ZNF600: variants seen among roughly 807,000 people sequenced by gnomAD.
ZNF600 encodes zinc finger protein 600.
A neutral mutation model predicts 7.3 loss-of-function variants in ZNF600; 4 were observed. The observed-to-expected ratio is 0.55, with a 90% confidence interval of 0.27 to 1.25. The LOEUF is 1.25. ZNF600 is among the 50% of genes most tolerant of loss of function. The probability of loss-of-function intolerance (pLI) is 0.12; values close to 1 mark genes in which losing one functional copy is unlikely to be tolerated. For synonymous variants in ZNF600, 290 were observed against 308.9 expected (o/e 0.94, Z 0.64); for missense variants, 911 against 922.1 (o/e 0.99, Z 0.16).
At chr19:52,778,475 T>C (rs1259463029) in intron 2 of ZNF600, among the ~76,000 whole-genome samples, 7 of 152,194 alleles carry the variant, frequency 4.6e-5, no homozygotes, top group African/African-American at 7.2e-5. Flanking sequence ...GTATTTCATA[T>C]GTAGTTTCTC....
upstream of ZNF600, among the ~76,000 whole-genome samples, chr19:52,788,863 TA>T (rs372694279): frequency 6.6e-6 from 1 of 152,332 alleles, no homozygotes; most frequent in African/African-American, 2.4e-5. Flanking sequence ...CAATCTCTGA[TA>T]AAACAGCATA....
the ZNF600 span, among the ~76,000 whole-genome samples, chr19:52,825,730 A>G: frequency 6.6e-6 from 1 of 152,018 alleles, no homozygotes; most frequent in Non-Finnish European, 1.5e-5. Flanking sequence ...TCATGCCTGT[A>G]ATCCCAGCAC....
exon 4 of ZNF600, chr19:52,767,339 A>G (rs769582495): frequency 6.2e-7 from 1 of 1,614,102 alleles, no homozygotes; most frequent in Admixed American, 1.7e-5. Flanking sequence ...AATTATTCCC[A>G]TAGTTATTAG....
the ZNF600 span, among the ~76,000 whole-genome samples, chr19:52,815,590 C>T: frequency 3.4e-5 from 5 of 146,082 alleles, 2 homozygotes; most frequent in African/African-American, 5.3e-5. Context: ...TTTGGGAGGC[C>T]GAGGCGGGCG....
chr19:52,830,660 C>T, the ZNF600 span, among the ~76,000 whole-genome samples: 2 of 151,888 alleles, frequency 1.3e-5, no homozygotes, highest in East Asian at 1.9e-4. Context: ...ATAATTTTGT[C>T]CAGTGGATGA....
chr19:52,810,839 GTCCCTCTCCCTC>G, the ZNF600 span: 6 of 148,524 alleles, frequency 4.0e-5, no homozygotes, highest in African/African-American at 6.3e-5. Flanking sequence ...TAAAAAAAGA[GTCCCTCTCCCTC>G]TCCCTCTCCC....
chr19:52,830,357 G>T, the ZNF600 span, among the ~76,000 whole-genome samples: 1 of 152,090 alleles, frequency 6.6e-6, no homozygotes, highest in Non-Finnish European at 1.5e-5. Flanking sequence ...GGCCCACAGT[G>T]TTCACGTACA....
chr19:52,801,133 A>C, the ZNF600 span: 2 of 1,613,976 alleles, frequency 1.2e-6, no homozygotes, highest in Non-Finnish European at 8.5e-7. Context: ...TTCTCTTCTA[A>C]GTGGGTTATC....
the ZNF600 span, among the ~76,000 whole-genome samples, chr19:52,828,760 T>C: frequency 6.6e-6 from 1 of 152,220 alleles, no homozygotes; most frequent in Non-Finnish European, 1.5e-5. Context: ...AGAGTTCTTA[T>C]TCTCCAATAG....
Position 52,779,009 on chromosome 19 carries a change from C to A in ZNF600, c.-19-102G>T, listed in dbSNP as rs77418917. On this transcript the variant is annotated intron_variant, in intron 1 of 3. Coordinates refer to ENST00000648973, the Ensembl canonical transcript of ZNF600. The stretch of plus-strand genomic sequence containing the variant: ...GAGACCTCACCCAGCAGAAAGAAGT[C>A]CCCCACCGCCCACTGCACCAGAGAT... 369 of 1,033,902 alleles carry A rather than the reference C, an allele frequency of 3.6e-4. No homozygotes were observed. The East Asian group carries it at 8.2e-3, about 23-fold the overall frequency. 64.0% of individuals were successfully genotyped at this position (1,033,902 alleles called of 1,614,324 possible). A position where few individuals can be genotyped will look rare whatever the true frequency, so the allele number is the denominator to read the frequency against.
the ZNF600 span, among the ~76,000 whole-genome samples, chr19:52,829,669 C>T: frequency 2.0e-5 from 3 of 152,080 alleles, no homozygotes; most frequent in South Asian, 2.1e-4. Flanking sequence ...CCACCGCACC[C>T]GGCCATCCAT....
chr19:52,811,747 TCC>T, the ZNF600 span, among the ~76,000 whole-genome samples: 1,017 of 146,780 alleles, frequency 6.9e-3, 23 homozygotes, highest in African/African-American at 0.025. Context: ...AGCCGCCCCG[TCC>T]GGGAGGGAGG....
the ZNF600 span, among the ~76,000 whole-genome samples, chr19:52,813,935 A>AT: frequency 8.2e-5 from 12 of 145,598 alleles, 2 homozygotes; most frequent in Admixed American, 7.6e-4. Flanking sequence ...GACTCTGTTT[A>AT]TTTTTTTAAG....
exon 4 of ZNF600, chr19:52,765,468 G>T: frequency 6.9e-7 from 1 of 1,440,762 alleles, no homozygotes; most frequent in Non-Finnish European, 9.7e-7. Context: ...TGCAATGTAT[G>T]AATGATGTCT....
chr19:52,800,196 G>A, the ZNF600 span: 32 of 1,613,126 alleles, frequency 2.0e-5, 1 homozygote, highest in East Asian at 9.0e-5. Flanking sequence ...ACATTTGTAC[G>A]GTTTCTCTGC....
At chr19:52,794,107 C>T in the ZNF600 span, among the ~76,000 whole-genome samples, 1 of 151,724 alleles carries the variant, frequency 6.6e-6, no homozygotes, top group African/African-American at 2.4e-5. Context: ...GATTGTAGAG[C>T]TCAGTGGAGA....
At chr19:52,811,848 AC>A in the ZNF600 span, among the ~76,000 whole-genome samples, 2 of 127,472 alleles carry the variant, frequency 1.6e-5, no homozygotes, top group African/African-American at 6.2e-5. Context: ...GGAAGTGAGG[AC>A]CCCTCTGCCC....
the ZNF600 span, chr19:52,818,013 G>A: frequency 6.2e-7 from 1 of 1,607,848 alleles, no homozygotes; most frequent in Non-Finnish European, 8.5e-7. Flanking sequence ...CACGTACCAA[G>A]ATTCTTTAGA....
At chr19:52,788,290 C>T (rs2062781837), upstream of ZNF600, among the ~76,000 whole-genome samples, 1 of 152,170 alleles carries the variant, frequency 6.6e-6, no homozygotes, top group African/African-American at 2.4e-5. Context: ...CCTGGCATTT[C>T]AGAAAGGAAA....
Sources: gnomAD v4.1 joint callset for allele counts (sites outside exome capture counted in the v4.1 genomes callset) on GRCh38, gnomAD v4.1.1 for gene constraint, MANE v1.5 for transcripts, NCBI Gene and HGNC (gene_info 2026-07-23, HGNC 2026-07-21) for gene names.